PPM1H: variants seen among roughly 807,000 people sequenced by gnomAD.
The protein encoded by PPM1H is protein phosphatase 1H.
In PPM1H, 27 loss-of-function variants were observed where a neutral mutation model predicts 54.9. The observed-to-expected ratio is 0.49, with a 90% CI of 0.36 to 0.68. The LOEUF is 0.68. Among genes scored for constraint, PPM1H ranks in the 30% least tolerant of loss-of-function variants. PPM1H has a pLI of 0.00. For missense variants in PPM1H, 596 were observed against 667.8 expected (o/e 0.89, Z 1.19); for synonymous variants, 305 against 270.8 (o/e 1.13, Z -1.24).
chr12:62,784,419 G>T (rs1464030345), intron 4 of PPM1H, among the ~76,000 whole-genome samples: 1 of 152,152 alleles, frequency 6.6e-6, no homozygotes, highest in South Asian at 2.1e-4. Flanking sequence ...CTGACCATTG[G>T]CAGCTTCCAA....
chr12:62,787,214 G>C (rs562426201), intron 4 of PPM1H, among the ~76,000 whole-genome samples: 31 of 152,248 alleles, frequency 2.0e-4, no homozygotes, highest in Middle Eastern at 6.8e-3. Context: ...TGGAGACAGG[G>C]AAGGGGAAAG....
intron 4 of PPM1H, among the ~76,000 whole-genome samples, chr12:62,759,371 C>G (rs1449477422): frequency 6.6e-6 from 1 of 152,246 alleles, no homozygotes; most frequent in East Asian, 1.9e-4. Flanking sequence ...TATTTTTACT[C>G]TCTTCTCCAA....
chr12:62,838,922 A>C (rs1868612829), intron 1 of PPM1H, among the ~76,000 whole-genome samples: 1 of 71,540 alleles, frequency 1.4e-5, no homozygotes, highest in Non-Finnish European at 3.7e-5. Context: ...CTCCGTCTCA[A>C]AAAAAAAAAA....
intron 9 of PPM1H, among the ~76,000 whole-genome samples, chr12:62,665,862 T>G (rs1244706608): frequency 6.6e-6 from 1 of 151,738 alleles, no homozygotes; most frequent in Non-Finnish European, 1.5e-5. Flanking sequence ...CTCAGCCCCC[T>G]GAGTAGTTGG....
At chr12:62,923,092 A>C (rs1871853231) in intron 1 of PPM1H, among the ~76,000 whole-genome samples, 1 of 152,270 alleles carries the variant, frequency 6.6e-6, no homozygotes, top group Non-Finnish European at 1.5e-5. Flanking sequence ...GGCCCCTTCC[A>C]TGCACAAGGA....
intron 1 of PPM1H, among the ~76,000 whole-genome samples, chr12:62,834,033 G>C (rs991993444): frequency 6.6e-6 from 1 of 152,008 alleles, no homozygotes; most frequent in Non-Finnish European, 1.5e-5. Context: ...TGGTCCTATC[G>C]GGTTTACTAC....
intron 1 of PPM1H, among the ~76,000 whole-genome samples, chr12:62,883,533 G>A (rs1870471152): frequency 6.6e-6 from 1 of 152,136 alleles, no homozygotes; most frequent in Non-Finnish European, 1.5e-5. Flanking sequence ...ATGACCCTTG[G>A]ATAAATTACA....
At chr12:62,932,082 CTTT>C (rs76519920) in intron 1 of PPM1H, among the ~76,000 whole-genome samples, 3 of 135,468 alleles carry the variant, frequency 2.2e-5, no homozygotes, top group Non-Finnish European at 3.2e-5. Flanking sequence ...GAGGGGCTGA[CTTT>C]TTTTTTTTTT....
intron 4 of PPM1H, among the ~76,000 whole-genome samples, chr12:62,739,542 C>T (rs186169017): frequency 6.6e-6 from 1 of 152,314 alleles, no homozygotes; most frequent in East Asian, 1.9e-4. Flanking sequence ...CCTAAAGCTA[C>T]TCTTAACTTT....
chr12:62,689,287 CAGG>C (rs1565757424), intron 8 of PPM1H, among the ~76,000 whole-genome samples: 1 of 152,218 alleles, frequency 6.6e-6, no homozygotes, highest in African/African-American at 2.4e-5. Context: ...CTGGCTGGTG[CAGG>C]AGAACAAAGA....
At chr12:62,723,755 A>G (rs528386095) in intron 5 of PPM1H, among the ~76,000 whole-genome samples, 1 of 152,222 alleles carries the variant, frequency 6.6e-6, no homozygotes, top group African/African-American at 2.4e-5. Flanking sequence ...GTGTAAATAC[A>G]GATACGTGGC....
intron 3 of PPM1H, among the ~76,000 whole-genome samples, chr12:62,790,459 C>G (rs2076695963): frequency 6.6e-6 from 1 of 152,114 alleles, no homozygotes; most frequent in Non-Finnish European, 1.5e-5. Flanking sequence ...GTAGTCTTAG[C>G]TACTTGGGAG....
intron 3 of PPM1H, among the ~76,000 whole-genome samples, chr12:62,798,531 T>G (rs1215083736): frequency 2.6e-5 from 4 of 152,110 alleles, no homozygotes; most frequent in African/African-American, 9.7e-5. Context: ...GTAGGCAGGT[T>G]GGGGACCTAG....
intron 9 of PPM1H, among the ~76,000 whole-genome samples, chr12:62,651,095 T>G (rs542247734): frequency 6.6e-6 from 1 of 152,364 alleles, no homozygotes; most frequent in South Asian, 2.1e-4. Flanking sequence ...TGAACACACC[T>G]TAACCCAGGT....
chr12:62,698,348 C>T (rs2120364910), intron 6 of PPM1H, among the ~76,000 whole-genome samples: 1 of 152,308 alleles, frequency 6.6e-6, no homozygotes, highest in East Asian at 1.9e-4. Context: ...CTGACCCAAA[C>T]CCGCTGGCCC....
At chr12:62,878,895 G>A (rs568600605) in intron 1 of PPM1H, among the ~76,000 whole-genome samples, 13 of 152,164 alleles carry the variant, frequency 8.5e-5, no homozygotes, top group South Asian at 8.3e-4. Context: ...AGCAGAGATC[G>A]CGCCACTGCA....
In PPM1H at chr12:62,897,247, A is replaced by G. The variant is rs1321272107; in HGVS notation, c.245+37245T>C. On this transcript the variant is annotated intron_variant, in intron 1 of 9. Transcript: ENST00000228705. ...ACATGTACCCTAGAACTTAAAGTAT[A>G]ATAAAAAAAAATTGCCAGTGTTTTT... Among the ~76,000 whole-genome samples the G allele has an allele frequency of 4.6e-5, 7 of 151,454 alleles. No individual in the cohort carries two copies. The East Asian group carries it at 1.4e-3, about 29-fold the overall frequency.
chr12:62,894,233 AC>A (rs1870901110), intron 1 of PPM1H, among the ~76,000 whole-genome samples: 2 of 152,186 alleles, frequency 1.3e-5, no homozygotes, highest in Admixed American at 1.3e-4. Context: ...GACGGGAATA[AC>A]TTCCGTGGCA....
chr12:62,756,416 A>C (rs2076475052), intron 4 of PPM1H, among the ~76,000 whole-genome samples: 1 of 151,684 alleles, frequency 6.6e-6, no homozygotes, highest in Admixed American at 6.6e-5. Flanking sequence ...CCATTAATAA[A>C]GTCCCCTGCA....
Sources: gnomAD v4.1 joint callset for allele counts (sites outside exome capture counted in the v4.1 genomes callset) on GRCh38, gnomAD v4.1.1 for gene constraint, MANE v1.5 for transcripts, NCBI Gene and HGNC (gene_info 2026-07-23, HGNC 2026-07-21) for gene names.